The following LIPF variants were observed in gnomAD, a reference collection of about 807,000 sequenced individuals.
The protein encoded by LIPF is lipase F, gastric type, also known as gastric triacylglycerol lipase.
In LIPF, 25 loss-of-function variants were observed where a neutral mutation model predicts 38.0. The ratio of observed to expected loss-of-function variants is 0.66; its 90% CI spans 0.48 to 0.92. The LOEUF (loss-of-function observed/expected upper bound fraction) is 0.92, where lower values mean the gene tolerates loss of function less well. LIPF is among the 40% of genes least tolerant of loss of function. LIPF has a pLI of 0.00. For synonymous variants in LIPF, 161 were observed against 156.2 expected, an observed-to-expected ratio of 1.03 and a Z score of -0.23; for missense variants, 410 against 469.9, an observed-to-expected ratio of 0.87 and a Z score of 1.18.
chr10:88,676,857 C>T (rs1168722271), intron 9 of LIPF, among the ~76,000 whole-genome samples: 1 of 152,206 alleles, frequency 6.6e-6, no homozygotes, highest in Non-Finnish European at 1.5e-5. Flanking sequence ...ATCTTATCTG[C>T]AGTCAATATG....
At chr10:88,674,681 T>C (rs1180924492) in intron 7 of LIPF, among the ~76,000 whole-genome samples, 1 of 152,236 alleles carries the variant, frequency 6.6e-6, no homozygotes, top group Admixed American at 6.5e-5. Flanking sequence ...CTAGTATGTT[T>C]AAAGCATATA....
rs1046656844 is a variant in LIPF, at chr10:88,678,738, A to C, written c.*57A>C. ...TCCAAAATACTTTATTCTCTCATAC[A>C]TAGTATTTTCATAATGTTTGACATG... On this transcript the variant is annotated 3_prime_UTR_variant, in exon 10 of 10. Transcript: ENST00000238983. 1.7e-6 allele frequency: 2 copies of C among 1,161,496 alleles called. No homozygotes were observed. Among genetic ancestry groups the C allele is most frequent in the Admixed American group, 3.8e-5 (2 of 53,050 alleles). The allele number at this position is 1,161,496 out of a possible 1,614,324, so 71.9% of individuals were successfully genotyped here.
At chr10:88,673,088 A>T (rs191409755) in intron 6 of LIPF, among the ~76,000 whole-genome samples, 1 of 152,290 alleles carries the variant, frequency 6.6e-6, no homozygotes, top group Non-Finnish European at 1.5e-5. Context: ...TAAAATAGAG[A>T]TGACAAAATA....
intron 1 of LIPF, chr10:88,665,454 GTGT>G (rs1452357450): frequency 2.1e-6 from 2 of 961,040 alleles, no homozygotes; most frequent in East Asian, 5.2e-5. Flanking sequence ...TCCTCTGTAT[GTGT>G]TAATTACTGG....
Position 88,673,617 on chromosome 10 carries a change from A to G in LIPF, c.699A>G (p.Pro233=). The G allele has an allele frequency of 6.2e-7, 1 of 1,612,322 alleles. No individual in the cohort carries two copies. ...KFIFGDKIFY[P]HNFFDQFLAT... The stretch of plus-strand genomic sequence containing the variant: ...TATTTGGTGACAAAATATTCTACCC[A>G]CACAACTTCTTTGATCAATTTCTTG... The change falls in exon 7 of 10, where the codon CCA becomes CCG. Residue 233 remains proline (P), a synonymous_variant. Transcript: ENST00000238983.
At chr10:88,676,354 T>C in intron 9 of LIPF, 74 bp downstream of exon 9, 1 of 893,148 alleles carries the variant, frequency 1.1e-6, no homozygotes, top group South Asian at 1.6e-5. Flanking sequence ...AAGAAGAAAT[T>C]ATGTTAACTG....
chr10:88,671,990 G>A (rs1362478824), intron 6 of LIPF, 25 bp downstream of exon 6: 8 of 1,591,906 alleles, frequency 5.0e-6, no homozygotes, highest in African/African-American at 1.4e-5. Flanking sequence ...TTAATTAAGT[G>A]AATCTAAGAC....
In LIPF at chr10:88,670,878, C is replaced by T. The variant is rs114445851; in HGVS notation, c.532+932C>T. Reference sequence around the variant, plus strand: ...CAGGAGCAGAGAACCAATTAGAGGACTCTTATAGTACCCATGCAGGAGATG... The same window carrying T: ...CAGGAGCAGAGAACCAATTAGAGGATTCTTATAGTACCCATGCAGGAGATG... On this transcript the variant is annotated intron_variant, in intron 5 of 9. Coordinates refer to ENST00000238983, the MANE Select transcript of LIPF (RefSeq NM_004190.4). Among the ~76,000 whole-genome samples the T allele has an allele frequency of 7.9e-3, 1,202 of 152,242 alleles. 14 individuals carry two copies. Among genetic ancestry groups the T allele is most frequent in the African/African-American group, 0.027 (1,127 of 41,556 alleles).
intron 4 of LIPF, chr10:88,669,007 A>C (rs753593562): frequency 5.7e-5 from 23 of 405,806 alleles, no homozygotes; most frequent in Non-Finnish European, 9.4e-5. Context: ...AATGAACAAT[A>C]TGGCTGAAGC....
chr10:88,675,555 G>T, intron 7 of LIPF, 31 bp from the exon 8 acceptor site: 1 of 1,473,654 alleles, frequency 6.8e-7, no homozygotes, highest in East Asian at 2.3e-5. Context: ...GTCTTAGTAT[G>T]TATATAATAT....
intron 2 of LIPF, 70 bp downstream of exon 2, chr10:88,667,472 G>T: frequency 1.9e-6 from 2 of 1,058,946 alleles, no homozygotes; most frequent in South Asian, 1.4e-5. Flanking sequence ...ATGAGTTAAA[G>T]ATTTTATATG....
chr10:88,665,537 T>C (rs1841498079), intron 1 of LIPF: 1 of 1,529,024 alleles, frequency 6.5e-7, no homozygotes, highest in Non-Finnish European at 8.8e-7. Context: ...TTGAGCCCAT[T>C]GAGATGTTCT....
chr10:88,668,042 C>T (rs1009504332), intron 3 of LIPF, among the ~76,000 whole-genome samples: 20 of 152,142 alleles, frequency 1.3e-4, no homozygotes, highest in Admixed American at 1.1e-3. Context: ...CTCTCAGAAA[C>T]AGTAACTGGA....
At chr10:88,668,953 A>C in intron 4 of LIPF, 197 bp downstream of exon 4, 2 of 551,810 alleles carry the variant, frequency 3.6e-6, no homozygotes, top group Non-Finnish European at 3.2e-6. Flanking sequence ...TTGTGATCTC[A>C]GGAGTCTCCA....
chr10:88,665,453 T>A lies in LIPF; in HGVS notation c.-12+962T>A, dbSNP rs1015989554. On this transcript the variant is annotated intron_variant, in intron 1 of 9. Transcript: ENST00000238983. ...TACAGCACACAGTGAGTCCTCTGTA[T>A]GTGTTAATTACTGGTATTTTCCTAG... is the stretch of plus-strand genomic sequence containing the variant. 3.4e-5 allele frequency: 32 copies of A among 942,004 alleles called. No individual in the cohort carries two copies. The African/African-American group carries it at 5.2e-4, about 15-fold the overall frequency. The allele number at this position is 942,004 out of a possible 1,614,324, so 58.4% of individuals were successfully genotyped here.
chr10:88,671,416 T>G lies in LIPF; in HGVS notation c.533-413T>G, dbSNP rs182360431. On this transcript the variant is annotated intron_variant, in intron 5 of 9. Coordinates refer to ENST00000238983, the MANE Select transcript of LIPF (RefSeq NM_004190.4). ...AATTGAGTTTGGTCATATTTAAATT[T>G]CTACTCTTAACCTTTCCACTTATAT... Among the ~76,000 whole-genome samples, 252 of 152,286 alleles carry G rather than the reference T, an allele frequency of 1.7e-3. 1 individual carries two copies. Among genetic ancestry groups the G allele is most frequent in the Non-Finnish European group, 2.8e-3 (188 of 68,002 alleles).
chr10:88,668,790 G>A (rs1235809206), intron 4 of LIPF, 34 bp downstream of exon 4: 1 of 1,578,490 alleles, frequency 6.3e-7, no homozygotes, highest in Admixed American at 1.7e-5. Context: ...ATAAACACTG[G>A]GCTTTAAAAG....
intron 7 of LIPF, among the ~76,000 whole-genome samples, chr10:88,674,608 A>T (rs1224078816): frequency 6.6e-6 from 1 of 152,212 alleles, no homozygotes; most frequent in Admixed American, 6.5e-5. Flanking sequence ...TTTGGAACTG[A>T]CTTAAACGTC....
At chr10:88,665,394 A>G (rs553718919) in intron 1 of LIPF, 2 of 642,052 alleles carry the variant, frequency 3.1e-6, no homozygotes, top group East Asian at 2.8e-5. Flanking sequence ...TTAGCAAGAT[A>G]GTTCATTTCA....
Sources: allele counts gnomAD v4.1 joint callset (sites outside exome capture counted in the v4.1 genomes callset), GRCh38; gene constraint gnomAD v4.1.1; transcripts MANE v1.5; gene names NCBI Gene and HGNC (gene_info 2026-07-23, HGNC 2026-07-21).